The following NALF1 variants were observed in gnomAD, a reference collection of about 807,000 sequenced individuals.
NALF1 encodes the protein family with sequence similarity 155 member A.
NALF1 carries 3 observed loss-of-function variants against 48.4 expected under a neutral mutation model. The ratio of observed to expected loss-of-function variants is 0.06; its 90% CI spans 0.03 to 0.16. The LOEUF (loss-of-function observed/expected upper bound fraction) is 0.16. Among genes scored for constraint, NALF1 ranks in the 10% least tolerant of loss-of-function variants. NALF1 has a pLI of 1.00. For synonymous variants in NALF1, 262 were observed against 245.7 expected (o/e 1.07, Z -0.62); for missense variants, 526 against 571.5 (o/e 0.92, Z 0.81).
chr13:107,380,767 A>G (rs1312965190), intron 1 of NALF1, among the ~76,000 whole-genome samples: 2 of 151,980 alleles, frequency 1.3e-5, no homozygotes, highest in South Asian at 2.1e-4. Context: ...TCACGAGGTC[A>G]GGAGATCGAG....
At chr13:107,806,871 ATTTCT>A (rs1179565456) in intron 1 of NALF1, among the ~76,000 whole-genome samples, 5 of 152,162 alleles carry the variant, frequency 3.3e-5, no homozygotes, top group African/African-American at 4.8e-5. Context: ...ATCATGCTTC[ATTTCT>A]TTTCTTTCTA....
At chr13:107,738,789 G>A (rs1414451944) in intron 1 of NALF1, among the ~76,000 whole-genome samples, 1 of 151,808 alleles carries the variant, frequency 6.6e-6, no homozygotes, top group South Asian at 2.1e-4. Flanking sequence ...TCAGCCTCCC[G>A]AGTAGGTGGG....
At chr13:107,715,298 G>A (rs2138522691) in intron 1 of NALF1, among the ~76,000 whole-genome samples, 1 of 152,044 alleles carries the variant, frequency 6.6e-6, no homozygotes, top group Admixed American at 6.6e-5. Flanking sequence ...CGCCTCCCGG[G>A]TTGAAAAGAA....
chr13:107,282,861 G>A (rs932183843), intron 1 of NALF1, among the ~76,000 whole-genome samples: 1 of 152,220 alleles, frequency 6.6e-6, no homozygotes, highest in South Asian at 2.1e-4. Context: ...TGAAAGTTGG[G>A]TGAGATAACA....
chr13:107,741,839 T>C (rs1293214705), intron 1 of NALF1, among the ~76,000 whole-genome samples: 1 of 152,222 alleles, frequency 6.6e-6, no homozygotes, highest in African/African-American at 2.4e-5. Flanking sequence ...GGTTATTCTC[T>C]AGTTTATCAA....
intron 1 of NALF1, among the ~76,000 whole-genome samples, chr13:107,305,251 T>G (rs1881912735): frequency 6.6e-6 from 1 of 152,086 alleles, no homozygotes; most frequent in Non-Finnish European, 1.5e-5. Flanking sequence ...CTTCTTTTAG[T>G]CTGATTGCAT....
intron 1 of NALF1, among the ~76,000 whole-genome samples, chr13:107,407,153 C>T (rs1883913379): frequency 1.3e-5 from 2 of 152,012 alleles, no homozygotes; most frequent in African/African-American, 4.8e-5. Flanking sequence ...AGACCTCAAA[C>T]TAAGAAACTT....
rs1594323864 is a variant in NALF1 at position 107,866,946 on chromosome 13, G to C, written c.-350C>G. ...ACGGAGGAGGCTGGTGCTGGTGGCCGGCGGCGAGGCTGGGTGCAGGGGGCG... is the reference window on the plus strand; with the variant it reads ...ACGGAGGAGGCTGGTGCTGGTGGCCCGCGGCGAGGCTGGGTGCAGGGGGCG... On this transcript the variant is annotated 5_prime_UTR_variant, in exon 1 of 3. Coordinates refer to ENST00000375915, the MANE Select transcript of NALF1 (RefSeq NM_001080396.3). The surrounding 1 kb of genome is among the most constrained non-coding windows in gnomAD (Gnocchi z 4.4). Among the ~76,000 whole-genome samples the C allele has an allele frequency of 3.3e-5, 5 of 152,054 alleles. 1 individual carries two copies. The highest frequency in any genetic ancestry group is 1.5e-5 in the Non-Finnish European group (1 of 67,942).
chr13:107,330,738 C>G (rs1882453533), intron 1 of NALF1, among the ~76,000 whole-genome samples: 2 of 152,174 alleles, frequency 1.3e-5, no homozygotes, highest in South Asian at 2.1e-4. Flanking sequence ...TGTGTACAAA[C>G]AGCTGAACTG....
intron 1 of NALF1, among the ~76,000 whole-genome samples, chr13:107,345,918 G>A (rs746282772): frequency 1.3e-5 from 2 of 152,004 alleles, no homozygotes; most frequent in Non-Finnish European, 2.9e-5. Flanking sequence ...TAGTAACAAC[G>A]AAAATCAACC....
chr13:107,796,148 T>A (rs918047978), intron 1 of NALF1, among the ~76,000 whole-genome samples: 2 of 152,114 alleles, frequency 1.3e-5, no homozygotes, highest in Non-Finnish European at 2.9e-5. Flanking sequence ...AGATTAATAA[T>A]CCCCCTTAAA....
intron 1 of NALF1, among the ~76,000 whole-genome samples, chr13:107,697,773 T>A (rs1881732140): frequency 6.6e-6 from 1 of 152,180 alleles, no homozygotes; most frequent in Non-Finnish European, 1.5e-5. Flanking sequence ...CCTGTTTTCC[T>A]TTGCATTTTA....
intron 1 of NALF1, among the ~76,000 whole-genome samples, chr13:107,502,352 G>A (rs1310392953): frequency 6.6e-6 from 1 of 152,018 alleles, no homozygotes; most frequent in Non-Finnish European, 1.5e-5. Flanking sequence ...CTCCTATAAT[G>A]CTCTGAGTTA....
intron 1 of NALF1, among the ~76,000 whole-genome samples, chr13:107,452,211 TGTAAAACCCTG>T (rs1174762821): frequency 6.6e-6 from 1 of 152,146 alleles, no homozygotes; most frequent in African/African-American, 2.4e-5. Flanking sequence ...TACTCTAAAA[TGTAAAACCCTG>T]GTGATCCATA....
intron 2 of NALF1, among the ~76,000 whole-genome samples, chr13:107,195,966 A>G (rs968554084): frequency 6.6e-6 from 1 of 152,230 alleles, no homozygotes; most frequent in Non-Finnish European, 1.5e-5. Flanking sequence ...AATAGTATGC[A>G]GCCATAAAAA....
intron 1 of NALF1, among the ~76,000 whole-genome samples, chr13:107,292,972 C>T (rs1881651690): frequency 7.1e-6 from 1 of 139,976 alleles, no homozygotes; most frequent in African/African-American, 2.6e-5. Context: ...TTTTTCAGCT[C>T]CGTTATAGTT....
At chr13:107,513,261 G>C (rs950844302) in intron 1 of NALF1, among the ~76,000 whole-genome samples, 1 of 152,056 alleles carries the variant, frequency 6.6e-6, no homozygotes, top group African/African-American at 2.4e-5. Context: ...GATGCTTTCT[G>C]GCAAAATAAT....
At chr13:107,602,935 T>G (rs537724525) in intron 1 of NALF1, among the ~76,000 whole-genome samples, 6 of 152,226 alleles carry the variant, frequency 3.9e-5, no homozygotes, top group Non-Finnish European at 7.3e-5. Flanking sequence ...CTCTTCTGCA[T>G]GAAGAAGGCC....
intron 1 of NALF1, among the ~76,000 whole-genome samples, chr13:107,709,035 T>C (rs1217000221): frequency 6.6e-6 from 1 of 152,198 alleles, no homozygotes; most frequent in East Asian, 1.9e-4. Context: ...ACCACAACGA[T>C]AACAACAGCA....
Sources: gnomAD v4.1 joint callset for allele counts (sites outside exome capture counted in the v4.1 genomes callset) on GRCh38, gnomAD v4.1.1 for gene constraint, Gnocchi (gnomAD v3.1) non-coding constraint, MANE v1.5 for transcripts, NCBI Gene and HGNC (gene_info 2026-07-23, HGNC 2026-07-21) for gene names.